GGA2: variants seen among roughly 807,000 people sequenced by gnomAD.
GGA2 encodes golgi associated, gamma adaptin ear containing, ARF binding protein 2.
In GGA2, 48 loss-of-function variants were observed where a neutral mutation model predicts 79.5. The observed-to-expected ratio is 0.60, with a 90% CI of 0.48 to 0.77. The LOEUF (loss-of-function observed/expected upper bound fraction) is 0.77, where lower values mean the gene tolerates loss of function less well. Among genes scored for constraint, GGA2 ranks in the 30% least tolerant of loss-of-function variants. The pLI, the probability that GGA2 is intolerant of heterozygous loss-of-function variation, is 0.00. For synonymous variants in GGA2, 317 were observed against 302.0 expected, an observed-to-expected ratio of 1.05 and a Z score of -0.51; for missense variants, 770 against 774.0, an observed-to-expected ratio of 0.99 and a Z score of 0.06.
chr16:23,480,176 T>C (rs965992219), intron 10 of GGA2: 1 of 403,776 alleles, frequency 2.5e-6, no homozygotes, highest in Non-Finnish European at 4.6e-6. Flanking sequence ...CAGGCCATTC[T>C]GAGGCTTCTG....
rs766898824 is a variant in GGA2 at position 23,486,070 on chromosome 16, A to G, written c.743T>C (p.Met248Thr). 1 of 1,614,104 alleles carries G rather than the reference A, an allele frequency of 6.2e-7. No individual in the cohort carries two copies. Among genetic ancestry groups the G allele is most frequent in the South Asian group, 1.1e-5 (1 of 91,088 alleles). Residue 248 changes from methionine to threonine, a missense_variant, in exon 8 of 17, where the codon ATG (methionine) becomes ACG (threonine). Met to Thr is a moderately conservative substitution (Grantham distance 81). Coordinates refer to ENST00000309859, the MANE Select transcript of GGA2 (RefSeq NM_015044.4). Reference sequence around the variant, plus strand: ...CCCTGGCCTGCGGTACATGCTCAGCATCTCCTGCAGCACCTTCACATGGCT... The same window carrying G: ...CCCTGGCCTGCGGTACATGCTCAGCGTCTCCTGCAGCACCTTCACATGGCT... ...VRSHVKVLQE[M>T]LSMYRRPGQA... is the part of the protein sequence containing the mutation.
intron 1 of GGA2, among the ~76,000 whole-genome samples, chr16:23,509,177 C>A (rs1429987376): frequency 6.6e-6 from 1 of 152,220 alleles, no homozygotes; most frequent in Non-Finnish European, 1.5e-5. Flanking sequence ...CAACCCCGCC[C>A]TCGGATAAAA....
upstream of GGA2, chr16:23,523,790 T>C (rs1343664069): frequency 6.6e-6 from 1 of 151,302 alleles, no homozygotes; most frequent in Non-Finnish European, 1.5e-5. Context: ...TAAAATCCAG[T>C]CCAACTGGTG....
rs190484608 is a variant in GGA2 at position 23,497,311 on chromosome 16, T to C, written c.92-1533A>G. ...GTCCACTCTGTTCCTCTCAGTGCCC[T>C]ATCCATATTCTTCCAGACCCATCTG... On this transcript the variant is annotated intron_variant, in intron 1 of 16. Coordinates refer to ENST00000309859, the MANE Select transcript of GGA2 (RefSeq NM_015044.4). 3.6e-3 allele frequency among the ~76,000 whole-genome samples: 543 copies of C among 152,290 alleles called. 1 individual carries two copies. The highest frequency in any genetic ancestry group is 5.7e-3 in the Non-Finnish European group (388 of 68,022).
At chr16:23,488,806 C>T (rs1287755972) in intron 5 of GGA2, 97 bp from the exon 6 acceptor site, 15 of 699,740 alleles carry the variant, frequency 2.1e-5, no homozygotes, top group Non-Finnish European at 3.8e-5. Context: ...GTTCCTAATA[C>T]CATGCTAGCA....
intron 1 of GGA2, among the ~76,000 whole-genome samples, chr16:23,506,214 C>G (rs1467918379): frequency 6.6e-6 from 1 of 152,122 alleles, no homozygotes; most frequent in Non-Finnish European, 1.5e-5. Flanking sequence ...AGCTCAGACC[C>G]ATGAGCTTTT....
chr16:23,488,278 C>A (rs749607147), intron 6 of GGA2, among the ~76,000 whole-genome samples: 2 of 152,040 alleles, frequency 1.3e-5, no homozygotes, highest in South Asian at 2.1e-4. Flanking sequence ...GGAGAGGGCA[C>A]AAAGTACCCT....
At chr16:23,481,525 C>G (rs141419085) in intron 9 of GGA2, among the ~76,000 whole-genome samples, 1 of 152,328 alleles carries the variant, frequency 6.6e-6, no homozygotes, top group Non-Finnish European at 1.5e-5. Context: ...GTAATCCCAG[C>G]ACTTTGGGAA....
intron 13 of GGA2, 146 bp from the exon 14 acceptor site, chr16:23,475,207 T>A: frequency 2.1e-6 from 1 of 478,844 alleles, no homozygotes; most frequent in South Asian, 2.4e-5. Context: ...TTTTTTTTTT[T>A]GATACAGTAT....
chr16:23,468,536 C>T (rs1174915381), intron 16 of GGA2, among the ~76,000 whole-genome samples: 4 of 151,528 alleles, frequency 2.6e-5, no homozygotes, highest in African/African-American at 7.3e-5. Flanking sequence ...TGCAGTAGTG[C>T]GATCTCGGCT....
chr16:23,491,049 G>C (rs912511921), intron 5 of GGA2, among the ~76,000 whole-genome samples: 2 of 152,202 alleles, frequency 1.3e-5, no homozygotes, highest in African/African-American at 2.4e-5. Flanking sequence ...CAAATATTTG[G>C]TGTAAGTGAG....
In GGA2 at chr16:23,518,381, G is replaced by C. The variant is rs191858405; in HGVS notation, c.61+1206C>G. Among the ~76,000 whole-genome samples, 795 of 152,106 alleles carry C rather than the reference G, an allele frequency of 5.2e-3. 7 individuals are homozygous for C. The highest frequency in any genetic ancestry group is 6.8e-3 in the Middle Eastern group (2 of 294). ...TCACCACAATGCTCAGCTAATTTCT[G>C]TATTTTTTTGTAAAGATGGGGGGGT... On this transcript the variant is annotated intron_variant, in intron 2 of 5. Transcript: ENST00000569300.
chr16:23,497,679 C>T (rs1188164636), intron 1 of GGA2, among the ~76,000 whole-genome samples: 1 of 152,208 alleles, frequency 6.6e-6, no homozygotes, highest in African/African-American at 2.4e-5. Flanking sequence ...ACCCTAAAGA[C>T]TTCTCTGACC....
At chr16:23,520,221 C>T (rs957003846) in intron 1 of GGA2, among the ~76,000 whole-genome samples, 3 of 137,186 alleles carry the variant, frequency 2.2e-5, no homozygotes, top group African/African-American at 8.2e-5. Context: ...CCATTGCATG[C>T]CAGCCTGGGC....
chr16:23,476,710 A>G (rs4968006), intron 13 of GGA2, among the ~76,000 whole-genome samples: 124,647 of 152,142 alleles, frequency 0.82, 51,173 homozygotes, highest in Middle Eastern at 0.9. Context: ...AAAAAGCAAA[A>G]AAGGAACGTT....
rs747415623 is a variant in GGA2, at chr16:23,478,985, C to T, written c.1130-74G>A. ...TCCAGATGAAGAGTAATGCCACACC[C>T]ATCCTTTCTAGGACATCCAGAAAGT... On this transcript the variant is annotated intron_variant, in intron 11 of 16. Transcript: ENST00000309859. 25 of 1,019,288 alleles carry T rather than the reference C, an allele frequency of 2.5e-5. 1 individual carries two copies. The highest frequency in any genetic ancestry group is 2.4e-4 in the Admixed American group (14 of 58,520). 63.1% of individuals were successfully genotyped at this position (1,019,288 alleles called of 1,614,324 possible).
At chr16:23,514,563 C>T (rs73546519), upstream of GGA2, among the ~76,000 whole-genome samples, 21 of 152,182 alleles carry the variant, frequency 1.4e-4, no homozygotes, top group African/African-American at 4.3e-4. Context: ...TCTTCGCAAC[C>T]TCAGTCCTCA....
chr16:23,513,288 G>C (rs1965084567), upstream of GGA2, among the ~76,000 whole-genome samples: 1 of 151,940 alleles, frequency 6.6e-6, no homozygotes, highest in Admixed American at 6.6e-5. Context: ...CTCAAAGACA[G>C]TGGAAACCCT....
At chr16:23,471,497 G>A (rs1964510583) in intron 14 of GGA2, among the ~76,000 whole-genome samples, 1 of 152,136 alleles carries the variant, frequency 6.6e-6, no homozygotes, top group Middle Eastern at 3.4e-3. Flanking sequence ...ATCTAAATGA[G>A]ACTGTAACAT....
Sources: gnomAD v4.1 joint callset for allele counts (sites outside exome capture counted in the v4.1 genomes callset) on GRCh38, gnomAD v4.1.1 for gene constraint, MANE v1.5 for transcripts, NCBI Gene and HGNC (gene_info 2026-07-23, HGNC 2026-07-21) for gene names.